Variants in PREX2 observed in about 807,000 individuals in gnomAD.
The protein encoded by PREX2 is phosphatidylinositol 3,4,5-trisphosphate-dependent Rac exchanger 2 protein.
PREX2 carries 107 observed loss-of-function variants against 203.2 expected under a neutral mutation model. The ratio of observed to expected loss-of-function variants is 0.53; its 90% CI spans 0.45 to 0.62. PREX2 has a LOEUF of 0.62. PREX2 is among the 20% of genes least tolerant of loss of function. The pLI is 0.00. For missense variants in PREX2, 1,777 were observed against 1,955.9 expected, an observed-to-expected ratio of 0.91 and a Z score of 1.72; for synonymous variants, 672 against 663.6, an observed-to-expected ratio of 1.01 and a Z score of -0.19.
intron 37 of PREX2, among the ~76,000 whole-genome samples, chr8:68,209,462 G>T (rs756740022): frequency 6.6e-6 from 1 of 152,044 alleles, no homozygotes; most frequent in Non-Finnish European, 1.5e-5. Context: ...GCTATATAAA[G>T]ACATAATTCA....
chr8:68,231,386 T>C lies in PREX2; in HGVS notation c.*8T>C, dbSNP rs1214154958. The C allele has an allele frequency of 6.3e-7, 1 of 1,598,134 alleles. No individual in the cohort carries two copies. Among genetic ancestry groups the C allele is most frequent in the East Asian group, 2.3e-5 (1 of 43,704 alleles). ...CCAGCTGGAGAAGAATGAAAAGAACTCCCAAGAAACCAGGCAGGCAGAAGC... is the reference window on the plus strand; with the variant it reads ...CCAGCTGGAGAAGAATGAAAAGAACCCCCAAGAAACCAGGCAGGCAGAAGC... On this transcript the variant is annotated 3_prime_UTR_variant, in exon 40 of 40. Transcript: ENST00000288368.
intron 1 of PREX2, among the ~76,000 whole-genome samples, chr8:67,974,876 G>A (rs947429495): frequency 6.6e-6 from 1 of 152,140 alleles, no homozygotes; most frequent in Non-Finnish European, 1.5e-5. Context: ...TGGATATTAA[G>A]TTAGTTGTAA....
At position 68,176,399 on chromosome 8, in the gene PREX2, G is replaced by A. The variant is rs567576905; in HGVS notation, c.4347-15323G>A. Among the ~76,000 whole-genome samples the A allele has an allele frequency of 2.1e-4, 31 of 148,378 alleles. No homozygotes were observed. The South Asian group carries it at 6.7e-3, about 32-fold the overall frequency. On this transcript the variant is annotated intron_variant, in intron 35 of 39. Transcript: ENST00000288368. ...AAATATGAAATTTCTGCAGTGGGGT[G>A]AGTGAGAAGACACAGAAAGTTAATG...
chr8:68,105,202 A>T (rs1291328407), intron 23 of PREX2: 2 of 1,367,694 alleles, frequency 1.5e-6, no homozygotes, highest in African/African-American at 1.5e-5. Flanking sequence ...CACAGTTTTG[A>T]TCTTCACAGT....
intron 31 of PREX2, among the ~76,000 whole-genome samples, chr8:68,130,545 T>C (rs1000624284): frequency 1.3e-5 from 2 of 152,238 alleles, no homozygotes; most frequent in Non-Finnish European, 2.9e-5. Flanking sequence ...ATGATAATGC[T>C]ACACCACTTT....
chr8:68,010,991 T>C (rs930099738), intron 1 of PREX2, among the ~76,000 whole-genome samples: 2 of 152,128 alleles, frequency 1.3e-5, no homozygotes, highest in Admixed American at 6.6e-5. Flanking sequence ...AATAAGAATT[T>C]ATTGCCAAAA....
Position 68,157,411 on chromosome 8 carries a change from G to T in PREX2, c.4321G>T (p.Val1441Phe). Residue 1441 changes from valine to phenylalanine, a missense_variant, in exon 35 of 40, where the codon GTC becomes TTC. Val to Phe is a conservative substitution (Grantham distance 50). Coordinates refer to ENST00000288368, the MANE Select transcript of PREX2 (RefSeq NM_024870.4). Reference sequence around the variant, plus strand: ...GATAAATGCAGCCTCACTGGAAAAGGTCAAACAGTACAACCAGAAGCTCAG... The same window carrying T: ...GATAAATGCAGCCTCACTGGAAAAGTTCAAACAGTACAACCAGAAGCTCAG... ...AQINAASLEK[V>F]KQYNQKLRAF... 1 of 1,609,688 alleles carries T rather than the reference G, an allele frequency of 6.2e-7. No homozygotes were observed. The highest frequency in any genetic ancestry group is 8.5e-7 in the Non-Finnish European group (1 of 1,176,326).
At chr8:68,082,201 T>G (rs1195793459) in intron 17 of PREX2, 1 of 152,168 alleles carries the variant, frequency 6.6e-6, no homozygotes, top group Admixed American at 6.5e-5. Context: ...TAGTTTAAAG[T>G]GTCCTCACCT....
rs374463873 is a variant in PREX2, at chr8:67,960,195, C to A, written c.141+7660C>A. ...TAGCTGGGACTACAGGCACATGCCA[C>A]AATGCCCAGCTAACTTTTTCTAATT... On this transcript the variant is annotated intron_variant, in intron 1 of 39. Coordinates refer to ENST00000288368, the MANE Select transcript of PREX2 (RefSeq NM_024870.4). 1.5e-4 allele frequency among the ~76,000 whole-genome samples: 23 copies of A among 152,276 alleles called. No individual in the cohort carries two copies. The South Asian group carries it at 4.1e-3, about 27-fold the overall frequency.
At chr8:67,958,661 A>G (rs1673716691) in intron 1 of PREX2, among the ~76,000 whole-genome samples, 1 of 152,204 alleles carries the variant, frequency 6.6e-6, no homozygotes, top group African/African-American at 2.4e-5. Context: ...GAACAGTAAC[A>G]GCAGAAAACC....
At chr8:68,070,967 C>A (rs1809177675) in intron 13 of PREX2, among the ~76,000 whole-genome samples, 1 of 152,102 alleles carries the variant, frequency 6.6e-6, no homozygotes, top group South Asian at 2.1e-4. Context: ...TGCCATAATT[C>A]TTTCACAGAT....
At chr8:68,201,702 C>T (rs13274580) in intron 37 of PREX2, among the ~76,000 whole-genome samples, 2,882 of 152,208 alleles carry the variant, frequency 0.019, 41 homozygotes, top group Middle Eastern at 0.041. Flanking sequence ...CTCACAAACA[C>T]ACCCAGGAAT....
At chr8:68,020,144 G>A (rs1807526319) in intron 3 of PREX2, among the ~76,000 whole-genome samples, 1 of 152,130 alleles carries the variant, frequency 6.6e-6, no homozygotes, top group South Asian at 2.1e-4. Context: ...TTTCTCAGAA[G>A]ATTGTACTGA....
chr8:68,192,405 C>T lies in PREX2; in HGVS notation c.4484C>T (p.Thr1495Ile), dbSNP rs1271041740. The change falls in exon 37 of 40, where the codon ACA (threonine) becomes ATA (isoleucine). Residue 1495 changes from threonine (T) to isoleucine (I), a missense_variant. By Grantham distance (89) the Thr-to-Ile change is moderately conservative (BLOSUM62 -1). Transcript: ENST00000288368. ...LVASFIRSKR[T>I]AACANTACSA... ...GCCTCGTTTATCAGATCCAAGCGCA[C>T]AGCTGCCTGTGCAAACACAGCTTGC... The T allele has an allele frequency of 5.0e-6, 8 of 1,614,046 alleles. No homozygotes were observed. The highest frequency in any genetic ancestry group is 1.1e-5 in the South Asian group (1 of 91,064).
intron 1 of PREX2, among the ~76,000 whole-genome samples, chr8:67,971,878 C>G (rs911175422): frequency 6.6e-6 from 1 of 152,182 alleles, no homozygotes; most frequent in Admixed American, 6.5e-5. Context: ...AAGTATGCTA[C>G]TTTGGGAAAT....
intron 1 of PREX2, among the ~76,000 whole-genome samples, chr8:67,970,623 A>G (rs1776959717): frequency 6.6e-6 from 1 of 152,204 alleles, no homozygotes; most frequent in Non-Finnish European, 1.5e-5. Context: ...ACTAATAGCT[A>G]CAGACTCATG....
At chr8:68,206,752 G>A (rs942149450) in intron 37 of PREX2, among the ~76,000 whole-genome samples, 1 of 152,136 alleles carries the variant, frequency 6.6e-6, no homozygotes, top group Admixed American at 6.6e-5. Flanking sequence ...AAAAACTGTG[G>A]AGCACTGCTA....
intron 14 of PREX2, among the ~76,000 whole-genome samples, chr8:68,074,439 T>C (rs930563091): frequency 3.3e-5 from 5 of 152,196 alleles, no homozygotes; most frequent in African/African-American, 1.2e-4. Context: ...GATTTTAGTT[T>C]TTACAACTGT....
At chr8:67,987,188 TAAC>T (rs1806458639) in intron 1 of PREX2, among the ~76,000 whole-genome samples, 1 of 53,294 alleles carries the variant, frequency 1.9e-5, no homozygotes, top group African/African-American at 7.4e-5. Flanking sequence ...AGAACACCAC[TAAC>T]TAATTTCTGA....
Sources: allele counts gnomAD v4.1 joint callset (sites outside exome capture counted in the v4.1 genomes callset), GRCh38; gene constraint gnomAD v4.1.1; transcripts MANE v1.5; gene names NCBI Gene and HGNC (gene_info 2026-07-23, HGNC 2026-07-21).